The following SLC10A7 variants were observed in gnomAD, a reference collection of about 807,000 sequenced individuals.
SLC10A7 encodes the protein sodium/bile acid cotransporter 7.
SLC10A7 carries 29 observed loss-of-function variants against 43.2 expected under a neutral mutation model. The ratio of observed to expected loss-of-function variants is 0.67; its 90% CI spans 0.50 to 0.92. The LOEUF (loss-of-function observed/expected upper bound fraction) is 0.92. Ranked by LOEUF, SLC10A7 falls within the 40% of genes least tolerant of loss-of-function variation. The pLI is 0.00. For missense variants in SLC10A7, 295 were observed against 403.2 expected (o/e 0.73, Z 2.30); for synonymous variants, 152 against 144.8 (o/e 1.05, Z -0.35).
chr4:146,365,806 C>A (rs1736349461), intron 5 of SLC10A7, among the ~76,000 whole-genome samples: 1 of 152,148 alleles, frequency 6.6e-6, no homozygotes, highest in Non-Finnish European at 1.5e-5. Context: ...ACTTAATGTC[C>A]TTTGTCCTCT....
chr4:146,447,769 C>G (rs1454390152), intron 4 of SLC10A7, among the ~76,000 whole-genome samples: 1 of 151,440 alleles, frequency 6.6e-6, no homozygotes, highest in Non-Finnish European at 1.5e-5. Context: ...TGGTATCAAC[C>G]CAATTTTACC....
At chr4:146,328,361 A>C (rs1009978548) in intron 5 of SLC10A7, among the ~76,000 whole-genome samples, 1 of 152,150 alleles carries the variant, frequency 6.6e-6, no homozygotes, top group Non-Finnish European at 1.5e-5. Context: ...GGGAGGCCTG[A>C]GGAGAGACCT....
At chr4:146,340,472 C>G (rs1424970350) in intron 5 of SLC10A7, among the ~76,000 whole-genome samples, 1 of 143,714 alleles carries the variant, frequency 7.0e-6, no homozygotes, top group Non-Finnish European at 1.5e-5. Context: ...TAGCACAAAA[C>G]AAAAAACAAA....
intron 6 of SLC10A7, among the ~76,000 whole-genome samples, chr4:146,323,129 T>C (rs902537331): frequency 2.6e-5 from 4 of 152,254 alleles, no homozygotes; most frequent in African/African-American, 9.6e-5. Flanking sequence ...CCTTGTCAGA[T>C]GAGTAGATTG....
chr4:146,331,982 A>G (rs894046173), intron 5 of SLC10A7, among the ~76,000 whole-genome samples: 3 of 152,224 alleles, frequency 2.0e-5, no homozygotes, highest in Non-Finnish European at 4.4e-5. Flanking sequence ...CATTATAAGC[A>G]TGAATGTCAA....
chr4:146,448,997 G>C (rs571639581), intron 4 of SLC10A7, among the ~76,000 whole-genome samples: 1 of 152,268 alleles, frequency 6.6e-6, no homozygotes, highest in East Asian at 1.9e-4. Flanking sequence ...TGGGGTAGAG[G>C]GTGATATCTA....
intron 5 of SLC10A7, among the ~76,000 whole-genome samples, chr4:146,369,563 T>C (rs1050433813): frequency 2.0e-5 from 3 of 152,192 alleles, no homozygotes; most frequent in Admixed American, 6.5e-5. Flanking sequence ...TCATAAATGA[T>C]GATTCAGTGA....
chr4:146,316,475 C>T (rs896145381), intron 6 of SLC10A7, among the ~76,000 whole-genome samples: 15 of 151,972 alleles, frequency 9.9e-5, no homozygotes, highest in African/African-American at 3.4e-4. Flanking sequence ...CTTGTGAGGA[C>T]ACAGCAAAAA....
intron 4 of SLC10A7, among the ~76,000 whole-genome samples, chr4:146,473,420 A>G (rs578089345): frequency 4.6e-4 from 70 of 152,310 alleles, no homozygotes; most frequent in African/African-American, 1.6e-3. Context: ...TACAATATAT[A>G]TCAAGTAAGG....
At chr4:146,468,872 T>A (rs1395290886) in intron 4 of SLC10A7, among the ~76,000 whole-genome samples, 1 of 152,156 alleles carries the variant, frequency 6.6e-6, no homozygotes, top group Non-Finnish European at 1.5e-5. Flanking sequence ...TAGAGATTTG[T>A]GAGGCTTCAG....
At chr4:146,271,106 T>TCCC in intron 10 of SLC10A7, among the ~76,000 whole-genome samples, 1 of 152,274 alleles carries the variant, frequency 6.6e-6, no homozygotes, top group South Asian at 2.1e-4. Flanking sequence ...CGTGGAGCTC[T>TCCC]TTTCTCTACA....
chr4:146,340,351 A>T (rs919341549), intron 5 of SLC10A7, among the ~76,000 whole-genome samples: 1 of 151,884 alleles, frequency 6.6e-6, no homozygotes, highest in Non-Finnish European at 1.5e-5. Context: ...AACTAATAGA[A>T]CAAGCAAATC....
At chr4:146,339,629 T>G (rs1734117266) in intron 5 of SLC10A7, among the ~76,000 whole-genome samples, 1 of 152,034 alleles carries the variant, frequency 6.6e-6, no homozygotes, top group East Asian at 1.9e-4. Flanking sequence ...GGGTATGCAG[T>G]TGCTTCCTTC....
At chr4:146,277,435 A>G (rs1729277556) in intron 10 of SLC10A7, among the ~76,000 whole-genome samples, 1 of 152,218 alleles carries the variant, frequency 6.6e-6, no homozygotes, top group African/African-American at 2.4e-5. Flanking sequence ...TTATTGTATC[A>G]CTTTGTTTGA....
At chr4:146,343,430 C>T (rs899116903) in intron 5 of SLC10A7, among the ~76,000 whole-genome samples, 2 of 152,058 alleles carry the variant, frequency 1.3e-5, no homozygotes, top group Admixed American at 6.6e-5. Flanking sequence ...CAACATGTTC[C>T]TAACCATTTA....
At chr4:146,480,930 A>G (rs184574893) in intron 4 of SLC10A7, among the ~76,000 whole-genome samples, 4 of 152,290 alleles carry the variant, frequency 2.6e-5, no homozygotes, top group Admixed American at 2.6e-4. Flanking sequence ...GCAAATAAAC[A>G]GGAAAAACCA....
Position 146,517,320 on chromosome 4 carries a change from G to A in SLC10A7, c.101-200C>T, listed in dbSNP as rs188419554. Among the ~76,000 whole-genome samples the A allele has an allele frequency of 7.2e-5, 11 of 152,068 alleles. No homozygotes were observed. In the East Asian group the frequency reaches 1.5e-3, roughly 21 times the overall value. On this transcript the variant is annotated intron_variant, in intron 1 of 11. Coordinates refer to ENST00000335472, the MANE Select transcript of SLC10A7 (RefSeq NM_001029998.6). ...TTTACTAAAAATACAAAAATTAGCCGGGCATGGTGGTGCATGCCTGTAGTT... is the reference window on the plus strand; with the variant it reads ...TTTACTAAAAATACAAAAATTAGCCAGGCATGGTGGTGCATGCCTGTAGTT...
intron 4 of SLC10A7, among the ~76,000 whole-genome samples, chr4:146,463,598 AGGTGCTGT>A (rs1377912806): frequency 1.3e-5 from 2 of 151,956 alleles, no homozygotes; most frequent in Non-Finnish European, 2.9e-5. Context: ...AAACGTAGCC[AGGTGCTGT>A]GGCACATGCC....
intron 4 of SLC10A7, among the ~76,000 whole-genome samples, chr4:146,450,574 G>C (rs115064099): frequency 0.016 from 2,475 of 152,270 alleles, 59 homozygotes; most frequent in African/African-American, 0.057. Context: ...GGCCTGCAAA[G>C]GGTGGAGAAC....
Sources: allele counts gnomAD v4.1 joint callset (sites outside exome capture counted in the v4.1 genomes callset), GRCh38; gene constraint gnomAD v4.1.1; transcripts MANE v1.5; gene names NCBI Gene and HGNC (gene_info 2026-07-23, HGNC 2026-07-21).